The following INTS7 variants were observed in gnomAD, a reference collection of about 807,000 sequenced individuals.
INTS7 encodes the protein chromosome 1 open reading frame 73.
INTS7 carries 46 observed loss-of-function variants against 109.2 expected under a neutral mutation model. The ratio of observed to expected loss-of-function variants is 0.42; its 90% CI spans 0.33 to 0.54. The LOEUF (loss-of-function observed/expected upper bound fraction) is 0.54, where lower values mean the gene tolerates loss of function less well. Ranked by LOEUF, INTS7 falls within the 20% of genes least tolerant of loss-of-function variation. The pLI is 0.07. For synonymous variants in INTS7, 412 were observed against 402.9 expected (o/e 1.02, Z -0.27); for missense variants, 929 against 1,132.4 (o/e 0.82, Z 2.58).
In INTS7 at chr1:211,967,919, T is replaced by G. The variant is rs1248892273; in HGVS notation, c.2073A>C (p.Ala691=). The change falls in exon 15 of 20, where the codon GCA becomes GCC. Residue 691 remains alanine, a synonymous_variant. Coordinates refer to ENST00000366994, the MANE Select transcript of INTS7 (RefSeq NM_015434.4). The part of the protein sequence containing the change: ...LASRYGDLYQ[A]SFDADSATLR... Reference sequence around the variant, plus strand: ...AAGTTGCTGAGTCAGCATCAAAAGATGCCTGGTAAAGATCTCCATATCGAG... The same window carrying G: ...AAGTTGCTGAGTCAGCATCAAAAGAGGCCTGGTAAAGATCTCCATATCGAG... The G allele has an allele frequency of 6.2e-7, 1 of 1,610,034 alleles. No individual in the cohort carries two copies. The highest frequency in any genetic ancestry group is 1.3e-5 in the African/African-American group (1 of 74,916).
intron 16 of INTS7, among the ~76,000 whole-genome samples, chr1:211,955,676 T>G (rs573724950): frequency 1.3e-5 from 2 of 152,382 alleles, no homozygotes; most frequent in African/African-American, 4.8e-5. Context: ...ATGCCTACTA[T>G]GTACAAGGCA....
chr1:212,003,280 C>G (rs1008650575), intron 7 of INTS7, among the ~76,000 whole-genome samples: 1 of 71,234 alleles, frequency 1.4e-5, no homozygotes, highest in African/African-American at 5.5e-5. Context: ...TACAGAAAAT[C>G]AAGTCAAAGA....
intron 13 of INTS7, among the ~76,000 whole-genome samples, chr1:211,969,551 CTTTTTTTTTTT>C (rs36104773): frequency 4.7e-5 from 4 of 85,018 alleles, no homozygotes; most frequent in African/African-American, 1.2e-4. Context: ...TTTTTCTTTT[CTTTTTTTTTTT>C]TTTTTTTTTT....
chr1:211,987,169 C>A (rs906694412), intron 8 of INTS7, among the ~76,000 whole-genome samples: 5 of 151,912 alleles, frequency 3.3e-5, no homozygotes, highest in Admixed American at 2.6e-4. Context: ...TGGTGGCGGG[C>A]GCCTGTAGTC....
chr1:211,998,280 C>T (rs755056835), intron 7 of INTS7, among the ~76,000 whole-genome samples: 6 of 152,088 alleles, frequency 3.9e-5, no homozygotes, highest in African/African-American at 9.7e-5. Flanking sequence ...GTAACAATTT[C>T]GAAAAAGAAA....
Position 211,976,613 on chromosome 1 carries a change from A to G in INTS7, c.1577T>C (p.Val526Ala). 2 of 1,614,054 alleles carry G rather than the reference A, an allele frequency of 1.2e-6. No individual in the cohort carries two copies. Among genetic ancestry groups the G allele is most frequent in the Non-Finnish European group, 1.7e-6 (2 of 1,179,910 alleles). Reference sequence around the variant, plus strand: ...GGAAGCCTGTCTGGCAATACGGTATACAGTCCATCCATTGGAGACACTTTC... The same window carrying G: ...GGAAGCCTGTCTGGCAATACGGTATGCAGTCCATCCATTGGAGACACTTTC... ...QLESVSNGWT[V>A]YRIARQASRM... The change falls in exon 12 of 20, where the codon GTA (valine) becomes GCA (alanine). Residue 526 changes from valine to alanine, a missense_variant. Val to Ala is a moderately conservative substitution (Grantham distance 64). Coordinates refer to ENST00000366994, the MANE Select transcript of INTS7 (RefSeq NM_015434.4).
chr1:212,019,058 T>G (rs1230087441), intron 3 of INTS7, among the ~76,000 whole-genome samples: 1 of 152,292 alleles, frequency 6.6e-6, no homozygotes, highest in East Asian at 1.9e-4. Context: ...GAGACCAGCC[T>G]GGCCAACATG....
rs572298051 is a variant in INTS7 at position 211,966,476 on chromosome 1, T to C, written c.2137A>G (p.Ile713Val). 32 of 1,609,350 alleles carry C rather than the reference T, an allele frequency of 2.0e-5. No individual in the cohort carries two copies. Among genetic ancestry groups the C allele is most frequent in the Non-Finnish European group, 2.7e-5 (32 of 1,176,212 alleles). Reference protein sequence around the residue: ...VELQQQSCLLISHAIEALILD... With the variant: ...VELQQQSCLLVSHAIEALILD... ...ATCAGGGCTTCTATTGCATGAGATA[T>C]CAGTAAACAGCTCTGCTGCTGTCTG... Residue 713 changes from isoleucine (I) to valine (V), a missense_variant, in exon 16 of 20, where the codon ATA becomes GTA. Coordinates refer to ENST00000366994, the MANE Select transcript of INTS7 (RefSeq NM_015434.4).
At chr1:212,028,450 A>G (rs78688604) in intron 1 of INTS7, among the ~76,000 whole-genome samples, 5,659 of 152,288 alleles carry the variant, frequency 0.037, 164 homozygotes, top group African/African-American at 0.084. Flanking sequence ...AGGTCAGTGT[A>G]GATTCGGCTC....
At chr1:212,007,885 T>C (rs1297371030) in intron 5 of INTS7, among the ~76,000 whole-genome samples, 1 of 152,214 alleles carries the variant, frequency 6.6e-6, no homozygotes, top group Non-Finnish European at 1.5e-5. Flanking sequence ...AAACTGTGTG[T>C]AGAATGGTTT....
rs952472997 is a variant in INTS7, at chr1:212,035,524, G to T, written c.-87C>A. 32 of 1,075,520 alleles carry T rather than the reference G, an allele frequency of 3.0e-5. No individual in the cohort carries two copies. The highest frequency in any genetic ancestry group is 7.0e-5 in the Admixed American group (4 of 56,828). The allele number at this position is 1,075,520 out of a possible 1,614,324, so 66.6% of individuals were successfully genotyped here. A position where few individuals can be genotyped will look rare whatever the true frequency, so the allele number is the denominator to read the frequency against. On this transcript the variant is annotated 5_prime_UTR_variant, in exon 1 of 20. Transcript: ENST00000366994. Reference sequence around the variant, plus strand: ...CATCTTCCCCCGCCGCCTTCTTGCTGGTTTTTCTTCCGCGCGCTGTCAAGC... The same window carrying T: ...CATCTTCCCCCGCCGCCTTCTTGCTTGTTTTTCTTCCGCGCGCTGTCAAGC...
intron 7 of INTS7, among the ~76,000 whole-genome samples, chr1:212,000,043 T>G (rs112399339): frequency 2.6e-5 from 4 of 151,940 alleles, no homozygotes; most frequent in African/African-American, 7.2e-5. Context: ...AGGCAGAGGT[T>G]GCAGTGAGCC....
intron 8 of INTS7, among the ~76,000 whole-genome samples, chr1:211,984,728 T>G (rs1294208613): frequency 6.6e-6 from 1 of 152,168 alleles, no homozygotes; most frequent in Admixed American, 6.5e-5. Flanking sequence ...GTTATCAGCT[T>G]CTTGTGTATC....
intron 7 of INTS7, among the ~76,000 whole-genome samples, chr1:211,996,859 T>C (rs1342504608): frequency 1.3e-5 from 2 of 151,866 alleles, no homozygotes; most frequent in Non-Finnish European, 2.9e-5. Context: ...ATCTCACCTC[T>C]ACAAAAAAAT....
chr1:212,011,653 C>T (rs1666171526), intron 4 of INTS7: 1 of 469,476 alleles, frequency 2.1e-6, no homozygotes, highest in Non-Finnish European at 3.9e-6. Flanking sequence ...CTCACTTAGG[C>T]CATTACCACA....
rs571122587 is a variant in INTS7 at position 212,031,206 on chromosome 1, T to A, written c.94+4138A>T. On this transcript the variant is annotated intron_variant, in intron 1 of 19. Transcript: ENST00000366994. ...CATTGCAGAAGGCAGATAGGCTGAA[T>A]AATATCATTTAAGAGACTCCTCTTT... 5.1e-4 allele frequency among the ~76,000 whole-genome samples: 77 copies of A among 152,362 alleles called. 1 individual carries two copies. In the South Asian group the frequency reaches 0.012, roughly 24 times the overall value.
intron 15 of INTS7, among the ~76,000 whole-genome samples, chr1:211,967,162 G>A (rs1663924589): frequency 6.6e-6 from 1 of 152,060 alleles, no homozygotes; most frequent in Admixed American, 6.6e-5. Context: ...ACTTAGGAAG[G>A]GTTTAAAAGT....
At position 212,016,926 on chromosome 1, in the gene INTS7, C is replaced by A; in HGVS notation, c.469G>T (p.Ala157Ser). ...AAGTTTGCAGCAGCAAAAACAGCAG[C>A]TTCAACTTCTACATTATCATGTGAA... ...LDSHDNVEVE[A>S]AVFAAANFSA... The change falls in exon 4 of 20, where the codon GCT becomes TCT. Residue 157 changes from alanine to serine, a missense_variant. Around this residue, in one of 2 missense-constraint regions of INTS7, gnomAD observed 142 missense variants for 231.4 expected, o/e 0.61. Coordinates refer to ENST00000366994, the MANE Select transcript of INTS7 (RefSeq NM_015434.4). 6.2e-7 allele frequency: 1 copy of A among 1,608,250 alleles called. No individual in the cohort carries two copies. Among genetic ancestry groups the A allele is most frequent in the African/African-American group, 1.3e-5 (1 of 74,516 alleles).
At chr1:212,018,005 A>T (rs1353377637) in intron 3 of INTS7, among the ~76,000 whole-genome samples, 1 of 152,212 alleles carries the variant, frequency 6.6e-6, no homozygotes, top group African/African-American at 2.4e-5. Context: ...ATACTGACAC[A>T]TTTAATGACT....
Sources: gnomAD v4.1 joint callset for allele counts (sites outside exome capture counted in the v4.1 genomes callset) on GRCh38, gnomAD v4.1.1 for gene constraint, gnomAD v4.1.1 regional missense constraint, MANE v1.5 for transcripts, NCBI Gene and HGNC (gene_info 2026-07-23, HGNC 2026-07-21) for gene names.